The following AEBP1 variants were observed in gnomAD, a reference collection of about 807,000 sequenced individuals.
AEBP1 encodes the protein AE binding protein 1.
A neutral mutation model predicts 116.5 loss-of-function variants in AEBP1; 69 were observed. The observed-to-expected ratio is 0.59, with a 90% CI of 0.49 to 0.72. The LOEUF (loss-of-function observed/expected upper bound fraction) is 0.72, where lower values mean the gene tolerates loss of function less well. Ranked by LOEUF, AEBP1 falls within the 30% of genes least tolerant of loss-of-function variation. AEBP1 has a pLI of 0.00. For synonymous variants in AEBP1, 627 were observed against 627.3 expected (o/e 1.00, Z 0.01); for missense variants, 1,444 against 1,557.5 (o/e 0.93, Z 1.23).
In AEBP1 at chr7:44,112,948, C is replaced by A; in HGVS notation, c.2569+39C>A. On this transcript the variant is annotated intron_variant, in intron 18 of 20. Transcript: ENST00000223357. This position sits in a 1 kb window ranked among gnomAD's most constrained non-coding sequence, Gnocchi z 6.6. Reference sequence around the variant, plus strand: ...GGAGGGGCTGTGGGCGGGGCCTGGTCCGGAGAGGGGCTGACTTTGGGTCTG... The same window carrying A: ...GGAGGGGCTGTGGGCGGGGCCTGGTACGGAGAGGGGCTGACTTTGGGTCTG... 1.2e-6 allele frequency: 2 copies of A among 1,611,296 alleles called. No individual in the cohort carries two copies. Among genetic ancestry groups the A allele is most frequent in the South Asian group, 2.2e-5 (2 of 90,606 alleles).
chr7:44,106,094 G>A (rs373390445), intron 1 of AEBP1: 52 of 439,566 alleles, frequency 1.2e-4, no homozygotes, highest in Middle Eastern at 6.7e-4. Context: ...TTCTTGCCCC[G>A]TAGGAGACCA....
In AEBP1 at chr7:44,112,320, C is replaced by T. The variant is rs772020842; in HGVS notation, c.2216C>T (p.Thr739Met). 5 of 1,543,954 alleles carry T rather than the reference C, an allele frequency of 3.2e-6. No individual in the cohort carries two copies. The East Asian group carries it at 6.8e-5, about 21-fold the overall frequency. Residue 739 changes from threonine (T) to methionine (M), a missense_variant and splice_region_variant, in exon 17 of 21, where the codon ACG becomes ATG. Physicochemically the swap from Thr to Met is moderately conservative, Grantham distance 81. Transcript: ENST00000223357. This position sits in a 1 kb window ranked among gnomAD's most constrained non-coding sequence, Gnocchi z 6.6. Reference sequence around the variant, plus strand: ...GAACGCTACCTTTCGCCAGATGCCACGGTGAGGCTACAGCCTGGCTGAAAG... The same window carrying T: ...GAACGCTACCTTTCGCCAGATGCCATGGTGAGGCTACAGCCTGGCTGAAAG... Reference protein sequence around the residue: ...IPERYLSPDATVSTEVRAIIA... With the variant: ...IPERYLSPDAMVSTEVRAIIA...
In AEBP1 at chr7:44,108,790, GTCC is replaced by G. The variant is rs2096225672; in HGVS notation, c.941-102_941-100del. 1.0e-6 allele frequency: 1 copy of G among 1,004,960 alleles called. No homozygotes were observed. Among genetic ancestry groups the G allele is most frequent in the Non-Finnish European group, 1.5e-6 (1 of 670,224 alleles). The allele number at this position is 1,004,960 out of a possible 1,614,324, so 62.3% of individuals were successfully genotyped here. A position where few individuals can be genotyped will look rare whatever the true frequency, so the allele number is the denominator to read the frequency against. ...CCAACTCAGCTGTCCCCCATCTCCC[GTCC>G]TCCTCCCCTCTGGCGCGGTCCTGTC... On this transcript the variant is annotated intron_variant, in intron 6 of 20. Coordinates refer to ENST00000223357, the MANE Select transcript of AEBP1 (RefSeq NM_001129.5). The surrounding 1 kb of genome is among the most constrained non-coding windows in gnomAD (Gnocchi z 5.0).
chr7:44,109,488 G>A, intron 9 of AEBP1, 147 bp downstream of exon 9: 1 of 1,006,070 alleles, frequency 9.9e-7, no homozygotes, highest in Non-Finnish European at 1.4e-6. Context: ...AGGGGCCCCG[G>A]GAGCCCAGGA....
At position 44,104,362 on chromosome 7, in the gene AEBP1, G is replaced by C. The variant is rs536342609; in HGVS notation, c.-304G>C. On this transcript the variant is annotated 5_prime_UTR_variant, in exon 1 of 21. Transcript: ENST00000223357. ...CGGGCCCCGCCAGCGCTTTGGAGAC[G>C]GCTATCCGCGCGGGAGTGCGCCACG... 201 of 222,598 alleles carry C rather than the reference G, an allele frequency of 9.0e-4. 1 individual carries two copies. Among genetic ancestry groups the C allele is most frequent in the African/African-American group, 4.1e-3 (178 of 43,516 alleles). 13.8% of individuals were successfully genotyped at this position (222,598 alleles called of 1,614,324 possible).
Position 44,110,336 on chromosome 7 carries a change from T to G in AEBP1, c.1390T>G (p.Ser464Ala). 1 of 1,613,606 alleles carries G rather than the reference T, an allele frequency of 6.2e-7. No individual in the cohort carries two copies. The highest frequency in any genetic ancestry group is 8.5e-7 in the Non-Finnish European group (1 of 1,179,998). ...FTGVITQGRD[S>A]SIHDDFVTTF... ...AGGCGTCATCACCCAGGGCAGAGAC[T>G]CCAGCATCCAGTGCGTGGCCAGGCT... The change falls in exon 11 of 21, where the codon TCC (serine) becomes GCC (alanine). Residue 464 changes from serine to alanine, a missense_variant. Physicochemically the swap from Ser to Ala is moderately conservative, Grantham distance 99. Coordinates refer to ENST00000223357, the MANE Select transcript of AEBP1 (RefSeq NM_001129.5).
Position 44,114,343 on chromosome 7 carries a change from C to T in AEBP1, c.*82C>T. Reference sequence around the variant, plus strand: ...AAGCCTGCTGACCACAGTCACATCACCCATCAGCACATGGAAGGCCCCTGG... The same window carrying T: ...AAGCCTGCTGACCACAGTCACATCATCCATCAGCACATGGAAGGCCCCTGG... On this transcript the variant is annotated 3_prime_UTR_variant, in exon 21 of 21. Transcript: ENST00000223357. The T allele has an allele frequency of 6.8e-7, 1 of 1,478,370 alleles. No homozygotes were observed. Among genetic ancestry groups the T allele is most frequent in the Non-Finnish European group, 9.3e-7 (1 of 1,071,130 alleles). 91.6% of individuals were successfully genotyped at this position (1,478,370 alleles called of 1,614,324 possible). A position where few individuals can be genotyped will look rare whatever the true frequency, so the allele number is the denominator to read the frequency against.
chr7:44,106,697 A>G lies in AEBP1; in HGVS notation c.405A>G (p.Pro135=), dbSNP rs768498793. 1.2e-6 allele frequency: 2 copies of G among 1,611,284 alleles called. No individual in the cohort carries two copies. The change falls in exon 2 of 21, where the codon CCA becomes CCG. Residue 135 remains proline (P), a synonymous_variant. Transcript: ENST00000223357. ...PKATKKPKEK[P]PKATKKPKEK... ...CCACCAAGAAGCCCAAGGAGAAGCC[A>G]CCTAAGGCCACCAAGAAGCCCAAGG...
intron 1 of AEBP1, chr7:44,106,322 T>TA (rs1011319782): frequency 1.3e-5 from 9 of 697,926 alleles, no homozygotes; most frequent in South Asian, 1.0e-4. Context: ...GCTCAGTCTT[T>TA]AGAGAGGTTG....
At chr7:44,105,651 C>T (rs1223419656) in intron 1 of AEBP1, among the ~76,000 whole-genome samples, 1 of 152,184 alleles carries the variant, frequency 6.6e-6, no homozygotes, top group African/African-American at 2.4e-5. Flanking sequence ...TTCCCACACC[C>T]TGGGCTGCCT....
At position 44,106,738 on chromosome 7, in the gene AEBP1, C is replaced by A; in HGVS notation, c.446C>A (p.Ala149Asp). ...TKKPKEKPPK[A>D]TKKPKEKPPK... ...AAGCCCAAGGAGAAGCCACCCAAGG[C>A]CACCAAGAAGCCCAAAGAGAAGCCA... Residue 149 changes from alanine (A) to aspartate (D), a missense_variant, in exon 2 of 21, where the codon GCC becomes GAC. Coordinates refer to ENST00000223357, the MANE Select transcript of AEBP1 (RefSeq NM_001129.5). The A allele has an allele frequency of 6.2e-7, 1 of 1,612,946 alleles. No individual in the cohort carries two copies. The highest frequency in any genetic ancestry group is 1.1e-5 in the South Asian group (1 of 90,946).
Position 44,111,491 on chromosome 7 carries a change from T to A in AEBP1, c.1717-16T>A, listed in dbSNP as rs767851701. On this transcript the variant is annotated splice_polypyrimidine_tract_variant and intron_variant, in intron 14 of 20. Transcript: ENST00000223357. The surrounding 1 kb of genome is among the most constrained non-coding windows in gnomAD (Gnocchi z 4.7). ...GGATTGCATGATTGATTCCACGTCCTCCCCCTCTGCCCCAGCTCATGAAGG... is the reference window on the plus strand; with the variant it reads ...GGATTGCATGATTGATTCCACGTCCACCCCCTCTGCCCCAGCTCATGAAGG... 6.4e-7 allele frequency: 1 copy of A among 1,566,072 alleles called. No individual in the cohort carries two copies. Among genetic ancestry groups the A allele is most frequent in the Non-Finnish European group, 8.6e-7 (1 of 1,156,480 alleles).
chr7:44,112,826 C>A lies in AEBP1; in HGVS notation c.2486C>A (p.Pro829His). 1 of 1,612,280 alleles carries A rather than the reference C, an allele frequency of 6.2e-7. No individual in the cohort carries two copies. Among genetic ancestry groups the A allele is most frequent in the Non-Finnish European group, 8.5e-7 (1 of 1,179,908 alleles). The change falls in exon 18 of 21, where the codon CCC becomes CAC. Residue 829 changes from proline to histidine, a missense_variant. Pro to His is a moderately conservative substitution (Grantham distance 77). Coordinates refer to ENST00000223357, the MANE Select transcript of AEBP1 (RefSeq NM_001129.5). The surrounding 1 kb of genome is among the most constrained non-coding windows in gnomAD (Gnocchi z 6.6). ...FASAHLTLTE[P>H]YRGGCQAQDY... is the part of the protein sequence containing the mutation. Reference sequence around the variant, plus strand: ...TCCGCACACCTCACCTTGACCGAGCCCTACCGCGGAGGCTGCCAAGCCCAG... The same window carrying A: ...TCCGCACACCTCACCTTGACCGAGCACTACCGCGGAGGCTGCCAAGCCCAG...
Position 44,113,838 on chromosome 7 carries a change from G to C in AEBP1, c.3054G>C (p.Leu1018=). Residue 1018 remains leucine (L), a synonymous_variant, in exon 21 of 21, where the codon CTG becomes CTC. Coordinates refer to ENST00000223357, the MANE Select transcript of AEBP1 (RefSeq NM_001129.5). The surrounding 1 kb of genome is among the most constrained non-coding windows in gnomAD (Gnocchi z 5.3). ...CTATGACCCCCCAACAGCGACGCCT[G>C]CAGCAGCGACGCCTACAACACCGCC... The part of the protein sequence containing the change: ...SRPMTPQQRR[L]QQRRLQHRLR... 2 of 1,613,856 alleles carry C rather than the reference G, an allele frequency of 1.2e-6. No individual in the cohort carries two copies. The highest frequency in any genetic ancestry group is 1.7e-6 in the Non-Finnish European group (2 of 1,179,984).
intron 1 of AEBP1, among the ~76,000 whole-genome samples, chr7:44,105,873 A>C (rs2096222420): frequency 6.6e-6 from 1 of 152,024 alleles, no homozygotes; most frequent in East Asian, 1.9e-4. Context: ...GGGAATCCTC[A>C]CAACCAGTCC....
Position 44,114,543 on chromosome 7 carries a change from T to C in AEBP1, c.*282T>C. 1 of 619,682 alleles carries C rather than the reference T, an allele frequency of 1.6e-6. No individual in the cohort carries two copies. The allele number at this position is 619,682 out of a possible 1,614,324, so 38.4% of individuals were successfully genotyped here. On this transcript the variant is annotated 3_prime_UTR_variant, in exon 21 of 21. Transcript: ENST00000223357. ...AGGGAGGGAGCCAAGGTCACTCCAA[T>C]AAAACAAGCTCATGGCACGGACTGC... is the stretch of plus-strand genomic sequence containing the variant.
Position 44,107,087 on chromosome 7 carries a change from G to A in AEBP1, c.595+200G>A, listed in dbSNP as rs1437129794. Among the ~76,000 whole-genome samples, 1 of 152,256 alleles carries A rather than the reference G, an allele frequency of 6.6e-6. No homozygotes were observed. Among genetic ancestry groups the A allele is most frequent in the Non-Finnish European group, 1.5e-5 (1 of 68,046 alleles). On this transcript the variant is annotated intron_variant, in intron 2 of 20. Transcript: ENST00000223357. This position sits in a 1 kb window ranked among gnomAD's most constrained non-coding sequence, Gnocchi z 4.3. Reference sequence around the variant, plus strand: ...CTGTAGCCTCTTTTGGGTAGGGAGAGGGCTTGGCAGCCTTTTGGGTGGGAC... The same window carrying A: ...CTGTAGCCTCTTTTGGGTAGGGAGAAGGCTTGGCAGCCTTTTGGGTGGGAC...
chr7:44,107,742 GC>G lies in AEBP1; in HGVS notation c.739+44del. 1 of 1,613,110 alleles carries G rather than the reference GC, an allele frequency of 6.2e-7. No individual in the cohort carries two copies. The highest frequency in any genetic ancestry group is 8.5e-7 in the Non-Finnish European group (1 of 1,179,876). On this transcript the variant is annotated intron_variant, in intron 4 of 20. Coordinates refer to ENST00000223357, the MANE Select transcript of AEBP1 (RefSeq NM_001129.5). This position sits in a 1 kb window ranked among gnomAD's most constrained non-coding sequence, Gnocchi z 4.3. Reference sequence around the variant, plus strand: ...CAGCCCCACCTGGGTCGGACCCCTGGCCTGGGGGATGTGCCAATGGGCCCAT... The same window carrying G: ...CAGCCCCACCTGGGTCGGACCCCTGGCTGGGGGATGTGCCAATGGGCCCAT...
chr7:44,109,222 G>T, intron 8 of AEBP1, 38 bp downstream of exon 8: 1 of 1,612,612 alleles, frequency 6.2e-7, no homozygotes, highest in Non-Finnish European at 8.5e-7. Context: ...TCCCTGTGGG[G>T]CAGCATCTGG....
Sources: gnomAD v4.1 joint callset for allele counts (sites outside exome capture counted in the v4.1 genomes callset) on GRCh38, gnomAD v4.1.1 for gene constraint, Gnocchi (gnomAD v3.1) non-coding constraint, MANE v1.5 for transcripts, NCBI Gene and HGNC (gene_info 2026-07-23, HGNC 2026-07-21) for gene names.